Variants in FSHR observed in about 807,000 individuals in gnomAD.
FSHR encodes follicle-stimulating hormone receptor.
Under a neutral mutation model 52.1 loss-of-function variants are expected in FSHR, and 46 were observed. That is an observed-to-expected ratio of 0.88 (90% CI 0.70 to 1.13). The LOEUF is 1.13. FSHR is among the 50% of genes most tolerant of loss of function. The pLI is 0.00. For missense variants in FSHR, 964 were observed against 834.6 expected, an observed-to-expected ratio of 1.16 and a Z score of -1.91; for synonymous variants, 399 against 309.6, an observed-to-expected ratio of 1.29 and a Z score of -3.03.
chr2:49,119,777 A>C (rs941549282), intron 1 of FSHR, among the ~76,000 whole-genome samples: 4 of 152,208 alleles, frequency 2.6e-5, no homozygotes, highest in African/African-American at 7.2e-5. Context: ...ATCCAGACTC[A>C]GAGTTTGTGT....
Position 49,027,569 on chromosome 2 carries a change from G to T in FSHR, c.225-7409C>A, listed in dbSNP as rs1667949595. Among the ~76,000 whole-genome samples the T allele has an allele frequency of 2.6e-5, 4 of 152,072 alleles. No homozygotes were observed. The South Asian group carries it at 8.3e-4, about 32-fold the overall frequency. On this transcript the variant is annotated intron_variant, in intron 2 of 9. Transcript: ENST00000406846. ...GAAGATGAGAAAATGTGAAGGAAGGGCCGGGCGCAGTGGCTCACGCCTATA... is the reference window on the plus strand; with the variant it reads ...GAAGATGAGAAAATGTGAAGGAAGGTCCGGGCGCAGTGGCTCACGCCTATA...
At chr2:49,013,121 T>TC (rs376633875) in intron 4 of FSHR, among the ~76,000 whole-genome samples, 65 of 148,216 alleles carry the variant, frequency 4.4e-4, no homozygotes, top group East Asian at 9.9e-4. Context: ...TTCTCTATCT[T>TC]CCCCCCCCAC....
At chr2:48,998,133 T>C (rs1573069817) in intron 4 of FSHR, among the ~76,000 whole-genome samples, 2 of 152,266 alleles carry the variant, frequency 1.3e-5, no homozygotes, top group South Asian at 4.1e-4. Flanking sequence ...TTATACATTT[T>C]TTTTTCAAAA....
intron 6 of FSHR, among the ~76,000 whole-genome samples, chr2:48,986,120 G>T (rs967996116): frequency 4.5e-4 from 69 of 152,084 alleles, no homozygotes; most frequent in African/African-American, 1.6e-3. Context: ...TATTTTTTGT[G>T]ATCCTCTCTC....
intron 2 of FSHR, among the ~76,000 whole-genome samples, chr2:49,066,183 T>C (rs1669496665): frequency 6.6e-6 from 1 of 152,056 alleles, no homozygotes; most frequent in South Asian, 2.1e-4. Flanking sequence ...GGGAGCAGAA[T>C]AGGAAGGTGG....
intron 1 of FSHR, among the ~76,000 whole-genome samples, chr2:49,117,931 A>G (rs1032584744): frequency 6.6e-6 from 1 of 152,186 alleles, no homozygotes; most frequent in Non-Finnish European, 1.5e-5. Flanking sequence ...GAATTATAGA[A>G]TTATTTTAGG....
At chr2:49,105,157 G>T (rs571249087) in intron 1 of FSHR, among the ~76,000 whole-genome samples, 25 of 152,192 alleles carry the variant, frequency 1.6e-4, no homozygotes, top group African/African-American at 5.5e-4. Context: ...CAAAGTTTAA[G>T]TGTGTTTTCA....
At chr2:49,068,938 C>T (rs1221773258) in intron 1 of FSHR, among the ~76,000 whole-genome samples, 4 of 152,168 alleles carry the variant, frequency 2.6e-5, no homozygotes, top group Admixed American at 6.5e-5. Flanking sequence ...CCTTTTTCCC[C>T]TTCTTTCCTG....
At chr2:49,112,157 G>A (rs1671445103) in intron 1 of FSHR, among the ~76,000 whole-genome samples, 1 of 152,062 alleles carries the variant, frequency 6.6e-6, no homozygotes. Context: ...TCAGCAAAGA[G>A]AAAAATCCCA....
At position 49,099,782 on chromosome 2, in the gene FSHR, G is replaced by T. The variant is rs550942763; in HGVS notation, c.153-31492C>A. Among the ~76,000 whole-genome samples the T allele has an allele frequency of 3.9e-5, 6 of 152,200 alleles. No homozygotes were observed. In the East Asian group the frequency reaches 1.2e-3, roughly 29 times the overall value. On this transcript the variant is annotated intron_variant, in intron 1 of 9. Transcript: ENST00000406846. The stretch of plus-strand genomic sequence containing the variant: ...GCCATCACCAGAAGCTAAGAAAGAG[G>T]CATGGAACTGTTGTTCCCTTAGAAC...
At chr2:49,051,677 A>G (rs1332469902) in intron 2 of FSHR, among the ~76,000 whole-genome samples, 1 of 150,952 alleles carries the variant, frequency 6.6e-6, no homozygotes, top group Non-Finnish European at 1.5e-5. Context: ...TACTTTTTTT[A>G]TTGTCTTTTG....
intron 1 of FSHR, among the ~76,000 whole-genome samples, chr2:49,139,186 T>C (rs1340495008): frequency 6.6e-6 from 1 of 152,188 alleles, no homozygotes; most frequent in Non-Finnish European, 1.5e-5. Context: ...ACAGGAGACT[T>C]GGCCCACATA....
chr2:48,974,763 G>A (rs1674907748), intron 8 of FSHR, among the ~76,000 whole-genome samples: 2 of 152,062 alleles, frequency 1.3e-5, no homozygotes, highest in South Asian at 4.1e-4. Context: ...TATTAGCCAG[G>A]GACAAAGATG....
intron 8 of FSHR, among the ~76,000 whole-genome samples, chr2:48,976,559 A>G (rs1321927961): frequency 6.6e-6 from 1 of 152,208 alleles, no homozygotes; most frequent in East Asian, 1.9e-4. Flanking sequence ...AAGGAATGGT[A>G]CCAGCTCCTT....
chr2:48,976,724 TC>T (rs917912904), intron 8 of FSHR, among the ~76,000 whole-genome samples: 5 of 152,348 alleles, frequency 3.3e-5, no homozygotes, highest in African/African-American at 1.2e-4. Flanking sequence ...GGTGTATGTG[TC>T]CAGGAATTTA....
At chr2:48,968,007 C>T (rs1674556682) in intron 9 of FSHR, among the ~76,000 whole-genome samples, 2 of 152,192 alleles carry the variant, frequency 1.3e-5, no homozygotes, top group South Asian at 4.1e-4. Context: ...ATTTAAATGT[C>T]TGGAACATGT....
At chr2:49,078,557 C>A (rs1670039962) in intron 1 of FSHR, among the ~76,000 whole-genome samples, 1 of 151,950 alleles carries the variant, frequency 6.6e-6, no homozygotes, top group Non-Finnish European at 1.5e-5. Flanking sequence ...TTGAATGTGT[C>A]ACAGAATTCA....
intron 2 of FSHR, among the ~76,000 whole-genome samples, chr2:49,047,617 C>A (rs1421752758): frequency 6.6e-6 from 1 of 152,184 alleles, no homozygotes; most frequent in Non-Finnish European, 1.5e-5. Context: ...CAATTCAATC[C>A]TTTAGATTGG....
chr2:49,074,781 C>T (rs1339502642), intron 1 of FSHR, among the ~76,000 whole-genome samples: 1 of 92,190 alleles, frequency 1.1e-5, no homozygotes, highest in Admixed American at 1.1e-4. Context: ...CCTAGTTGTC[C>T]AACAGATAAA....
Sources: gnomAD v4.1 joint callset for allele counts (sites outside exome capture counted in the v4.1 genomes callset) on GRCh38, gnomAD v4.1.1 for gene constraint, MANE v1.5 for transcripts, NCBI Gene and HGNC (gene_info 2026-07-23, HGNC 2026-07-21) for gene names.